Variants in SEMA5A observed in about 807,000 individuals in gnomAD.
The protein encoded by SEMA5A is semaphorin 5A.
In SEMA5A, 55 loss-of-function variants were observed where a neutral mutation model predicts 135.5. The ratio of observed to expected loss-of-function variants is 0.41; its 90% CI spans 0.33 to 0.51. SEMA5A has a LOEUF of 0.51. Among genes scored for constraint, SEMA5A ranks in the 20% least tolerant of loss-of-function variants. The pLI, the probability that SEMA5A is intolerant of heterozygous loss-of-function variation, is 0.37. For synonymous variants in SEMA5A, 580 were observed against 546.5 expected (o/e 1.06, Z -0.85); for missense variants, 1,290 against 1,419.9 (o/e 0.91, Z 1.47).
At chr5:9,469,726 C>T (rs747013246) in intron 1 of SEMA5A, among the ~76,000 whole-genome samples, 8 of 152,118 alleles carry the variant, frequency 5.3e-5, no homozygotes, top group Non-Finnish European at 1.0e-4. Flanking sequence ...TCTTCTTCTT[C>T]CAAATTATAA....
intron 2 of SEMA5A, among the ~76,000 whole-genome samples, chr5:9,426,266 A>G (rs1437268086): frequency 1.9e-4 from 29 of 151,764 alleles, no homozygotes; most frequent in Admixed American, 1.9e-3. Flanking sequence ...TCTACTAAAA[A>G]TACAAAAAAT....
Position 9,477,868 on chromosome 5 carries a change from T to C in SEMA5A, c.-174-40016A>G, listed in dbSNP as rs2089203. ...TTCATAGGGAGAAATTCAAGCCAGCTGCAGAAATTTGCATAAGCAACAATG... is the reference window on the plus strand; with the variant it reads ...TTCATAGGGAGAAATTCAAGCCAGCCGCAGAAATTTGCATAAGCAACAATG... On this transcript the variant is annotated intron_variant, in intron 1 of 22. Coordinates refer to ENST00000382496, the MANE Select transcript of SEMA5A (RefSeq NM_003966.3). Among the ~76,000 whole-genome samples, 1,132 of 152,322 alleles carry C rather than the reference T, an allele frequency of 7.4e-3. 12 individuals carry two copies. Among genetic ancestry groups the C allele is most frequent in the African/African-American group, 0.026 (1,076 of 41,578 alleles).
intron 5 of SEMA5A, among the ~76,000 whole-genome samples, chr5:9,267,087 G>T (rs1333421569): frequency 6.6e-6 from 1 of 152,180 alleles, no homozygotes; most frequent in Non-Finnish European, 1.5e-5. Flanking sequence ...TGGATTTCTA[G>T]GTTGCTGGCT....
rs758933201 is a variant in SEMA5A, at chr5:9,043,028, A to AT, written c.3106-13dup. On this transcript the variant is annotated splice_polypyrimidine_tract_variant and intron_variant, in intron 22 of 22. Transcript: ENST00000382496. ...TTTTTGTTAAATGCCTGGAAAATAT[A>AT]TTAAAAAAAAACAGGTTTAAGAATG... 9.4e-5 allele frequency: 136 copies of AT among 1,443,800 alleles called. No individual in the cohort carries two copies. Among genetic ancestry groups the AT allele is most frequent in the African/African-American group, 5.0e-4 (17 of 34,324 alleles). The allele number at this position is 1,443,800 out of a possible 1,614,324, so 89.4% of individuals were successfully genotyped here. A position where few individuals can be genotyped will look rare whatever the true frequency, so the allele number is the denominator to read the frequency against.
Position 9,204,122 on chromosome 5 carries a change from G to C in SEMA5A, c.647-1882C>G, listed in dbSNP as rs1745878286. ...CTGGCATGTCTAATTCTAAATAAGA[G>C]TCTAAATTATTTTGGAATGGGTCCT... On this transcript the variant is annotated intron_variant, in intron 8 of 22. Coordinates refer to ENST00000382496, the MANE Select transcript of SEMA5A (RefSeq NM_003966.3). This position sits in a 1 kb window ranked among gnomAD's most constrained non-coding sequence, Gnocchi z 6.4. Among the ~76,000 whole-genome samples the C allele has an allele frequency of 1.3e-5, 2 of 152,156 alleles. No individual in the cohort carries two copies. Among genetic ancestry groups the C allele is most frequent in the Non-Finnish European group, 2.9e-5 (2 of 68,034 alleles).
intron 5 of SEMA5A, among the ~76,000 whole-genome samples, chr5:9,311,942 G>C (rs1232203573): frequency 6.6e-6 from 1 of 152,074 alleles, no homozygotes; most frequent in African/African-American, 2.4e-5. Flanking sequence ...TGAGAAACAA[G>C]CAGTGAATTT....
chr5:9,265,595 G>A (rs1031761698), intron 5 of SEMA5A: 4 of 454,450 alleles, frequency 8.8e-6, no homozygotes, highest in Non-Finnish European at 1.8e-5. Flanking sequence ...TCCAGTGCCT[G>A]GCGTCCCATG....
At chr5:9,505,526 A>G (rs944639730) in intron 1 of SEMA5A, among the ~76,000 whole-genome samples, 1 of 152,196 alleles carries the variant, frequency 6.6e-6, no homozygotes, top group Non-Finnish European at 1.5e-5. Context: ...TCTTGATTGA[A>G]TGCTACAAGT....
At chr5:9,538,863 G>A (rs1737921614) in intron 1 of SEMA5A, among the ~76,000 whole-genome samples, 1 of 152,176 alleles carries the variant, frequency 6.6e-6, no homozygotes, top group Non-Finnish European at 1.5e-5. Flanking sequence ...ACATTTCCCA[G>A]TAGACGCAGC....
chr5:9,470,095 A>G (rs1579593268), intron 1 of SEMA5A, among the ~76,000 whole-genome samples: 1 of 152,054 alleles, frequency 6.6e-6, no homozygotes, highest in Non-Finnish European at 1.5e-5. Context: ...TGAGCATGTT[A>G]GGGGGGGTTC....
chr5:9,510,274 C>A (rs919645829), intron 1 of SEMA5A, among the ~76,000 whole-genome samples: 1 of 152,186 alleles, frequency 6.6e-6, no homozygotes, highest in African/African-American at 2.4e-5. Flanking sequence ...GCACACCAAG[C>A]ACTGTGTTAG....
intron 2 of SEMA5A, among the ~76,000 whole-genome samples, chr5:9,384,665 GATAGATAGAT>G (rs1326054914): frequency 0.013 from 1,423 of 108,906 alleles, 58 homozygotes; most frequent in Middle Eastern, 0.022. Context: ...GATAGATATA[GATAGATAGAT>G]ATAGATAGAT....
intron 4 of SEMA5A, among the ~76,000 whole-genome samples, chr5:9,332,697 T>C (rs1753207874): frequency 6.6e-6 from 1 of 152,244 alleles, no homozygotes; most frequent in Non-Finnish European, 1.5e-5. Context: ...CATGCAGCTA[T>C]GGGCTGCTAC....
intron 5 of SEMA5A, among the ~76,000 whole-genome samples, chr5:9,242,902 TCTTAA>T (rs1748281592): frequency 1.3e-5 from 2 of 152,188 alleles, no homozygotes; most frequent in South Asian, 2.1e-4. Context: ...AGAAGAAATA[TCTTAA>T]CTTTAGAAAT....
At chr5:9,509,160 G>GAGA (rs1736069299) in intron 1 of SEMA5A, among the ~76,000 whole-genome samples, 1 of 584 alleles carries the variant, frequency 1.7e-3, no homozygotes. Flanking sequence ...GTGAAGAAAA[G>GAGA]AGCAGGATGA....
intron 1 of SEMA5A, among the ~76,000 whole-genome samples, chr5:9,529,769 C>T (rs938492530): frequency 2.0e-5 from 3 of 152,126 alleles, no homozygotes; most frequent in African/African-American, 4.8e-5. Context: ...ATTCATTCTA[C>T]GTGAAGCTCC....
At chr5:9,147,896 C>A (rs1742429184) in intron 12 of SEMA5A, among the ~76,000 whole-genome samples, 1 of 152,130 alleles carries the variant, frequency 6.6e-6, no homozygotes, top group South Asian at 2.1e-4. Flanking sequence ...TGTCCATTTG[C>A]TAATTTAACA....
intron 10 of SEMA5A, among the ~76,000 whole-genome samples, chr5:9,194,160 GGGT>G (rs2150354035): frequency 6.6e-6 from 1 of 152,306 alleles, no homozygotes; most frequent in East Asian, 1.9e-4. Context: ...GTCTTACTGA[GGGT>G]CAGGGTCTGG....
chr5:9,143,712 T>A (rs977579649), intron 12 of SEMA5A, among the ~76,000 whole-genome samples: 1 of 152,192 alleles, frequency 6.6e-6, no homozygotes, highest in South Asian at 2.1e-4. Context: ...GATCTAGGAC[T>A]TGTGATTAAC....
Sources: allele counts gnomAD v4.1 joint callset (sites outside exome capture counted in the v4.1 genomes callset), GRCh38; gene constraint gnomAD v4.1.1; non-coding constraint Gnocchi (gnomAD v3.1); transcripts MANE v1.5; gene names NCBI Gene and HGNC (gene_info 2026-07-23, HGNC 2026-07-21).